Variants in GGACT observed in about 807,000 individuals in gnomAD.
The protein encoded by GGACT is gamma-glutamylamine cyclotransferase, also known as gamma-glutamylaminecyclotransferase.
For synonymous variants in GGACT, 118 were observed against 115.3 expected (o/e 1.02, Z -0.15); for missense variants, 241 against 233.2 (o/e 1.03, Z -0.22).
At chr13:100,562,890 C>A (rs1023591195) in intron 2 of GGACT, among the ~76,000 whole-genome samples, 2 of 152,036 alleles carry the variant, frequency 1.3e-5, no homozygotes. Context: ...CTCCTAACAA[C>A]CCCAAAAAAA....
intron 2 of GGACT, among the ~76,000 whole-genome samples, chr13:100,570,961 T>C (rs1875064954): frequency 6.6e-6 from 1 of 151,888 alleles, no homozygotes; most frequent in Admixed American, 6.6e-5. Flanking sequence ...CCCGAGAGAT[T>C]GCTCAGTCTC....
chr13:100,539,695 G>C (rs758297768), intron 2 of GGACT: 4 of 591,794 alleles, frequency 6.8e-6, no homozygotes, highest in African/African-American at 1.9e-5. Context: ...CTTAGTATCA[G>C]GGTGATGCTC....
intron 2 of GGACT, chr13:100,539,937 C>G: frequency 1.9e-6 from 3 of 1,540,568 alleles, no homozygotes; most frequent in African/African-American, 2.7e-5. Flanking sequence ...GGGCAGCACC[C>G]GCAGGTCTAA....
chr13:100,587,730 T>TA (rs1172679164), intron 1 of GGACT, among the ~76,000 whole-genome samples: 1 of 152,188 alleles, frequency 6.6e-6, no homozygotes, highest in Non-Finnish European at 1.5e-5. Context: ...AACTTGCTTT[T>TA]AAAAAAGGCC....
intron 2 of GGACT, among the ~76,000 whole-genome samples, chr13:100,568,066 C>T (rs577562679): frequency 1.9e-3 from 284 of 152,314 alleles, no homozygotes; most frequent in Non-Finnish European, 3.0e-3. Flanking sequence ...GGAAGCCCCA[C>T]ACATTTCTGC....
intron 2 of GGACT, chr13:100,536,170 G>A (rs1030991239): frequency 7.2e-5 from 11 of 152,136 alleles, no homozygotes; most frequent in African/African-American, 2.4e-4. Flanking sequence ...TGTGTGACTC[G>A]AGCTCTTCCC....
chr13:100,553,464 C>CG (rs2088684210), intron 2 of GGACT, among the ~76,000 whole-genome samples: 1 of 152,146 alleles, frequency 6.6e-6, no homozygotes, highest in African/African-American at 2.4e-5. Context: ...TGAATAGGGG[C>CG]AGCAACACGA....
intron 2 of GGACT, chr13:100,539,678 C>G (rs1370713666): frequency 1.8e-6 from 1 of 561,090 alleles, no homozygotes; most frequent in Non-Finnish European, 3.1e-6. Context: ...CTTGGAGTGT[C>G]TTTGGCCTTA....
chr13:100,530,260 C>A lies in GGACT; in HGVS notation c.*1870G>T. On this transcript the variant is annotated 3_prime_UTR_variant, in exon 3 of 3. Transcript: ENST00000683975. ...GATTCAAGCATTATACAGGAACACC[C>A]CTGTGCAGCTACGTTTACGTCGTCA... The A allele has an allele frequency of 2.0e-6, 2 of 992,016 alleles. No individual in the cohort carries two copies. Among genetic ancestry groups the A allele is most frequent in the Non-Finnish European group, 3.2e-6 (2 of 622,880 alleles). The allele number at this position is 992,016 out of a possible 1,614,324, so 61.5% of individuals were successfully genotyped here.
chr13:100,535,627 C>G (rs138847732), intron 2 of GGACT: 14 of 152,364 alleles, frequency 9.2e-5, no homozygotes, highest in African/African-American at 3.4e-4. Context: ...CTACCACATC[C>G]CGCCATCCTC....
intron 2 of GGACT, chr13:100,537,972 G>A (rs2088513425): frequency 6.6e-6 from 1 of 152,226 alleles, no homozygotes; most frequent in African/African-American, 2.4e-5. Flanking sequence ...GGAGGATAGT[G>A]TTTCTGAAGA....
Position 100,530,278 on chromosome 13 carries a change from C to A in GGACT, c.*1852G>T. ...GAACACCCCTGTGCAGCTACGTTTACGTCGTCATTTATTCCACAGAGTCAA... is the reference window on the plus strand; with the variant it reads ...GAACACCCCTGTGCAGCTACGTTTAAGTCGTCATTTATTCCACAGAGTCAA... On this transcript the variant is annotated 3_prime_UTR_variant, in exon 3 of 3. Coordinates refer to ENST00000683975, the MANE Select transcript of GGACT (RefSeq NM_001195087.2). 1 of 871,856 alleles carries A rather than the reference C, an allele frequency of 1.1e-6. No individual in the cohort carries two copies. The highest frequency in any genetic ancestry group is 2.0e-5 in the Admixed American group (1 of 51,048). 54.0% of individuals were successfully genotyped at this position (871,856 alleles called of 1,614,324 possible).
At position 100,543,197 on chromosome 13, in the gene GGACT, C is replaced by CTTTTTTTTT. The variant is rs147710327; in HGVS notation, c.-10-10605_-10-10597dup. On this transcript the variant is annotated intron_variant, in intron 2 of 2. Transcript: ENST00000683975. ...CAAAAGGATTTTAAAAAGACACCAG[C>CTTTTTTTTT]TTTTTTTTTTTTTTTTTTTTTTTTT... is the stretch of plus-strand genomic sequence containing the variant. 4.0e-3 allele frequency among the ~76,000 whole-genome samples: 280 copies of CTTTTTTTTT among 69,904 alleles called. 54 individuals carry two copies. The highest frequency in any genetic ancestry group is 8.2e-3 in the African/African-American group (133 of 16,184). The allele number at this position is 69,904 out of a possible 152,430, so 45.9% of individuals were successfully genotyped here.
chr13:100,553,641 C>T (rs909890743), intron 2 of GGACT, among the ~76,000 whole-genome samples: 7 of 151,976 alleles, frequency 4.6e-5, no homozygotes, highest in African/African-American at 7.3e-5. Flanking sequence ...GTCAGGAGTT[C>T]GGGACCAGCC....
At chr13:100,548,488 G>T (rs2088628735) in intron 2 of GGACT, among the ~76,000 whole-genome samples, 1 of 152,208 alleles carries the variant, frequency 6.6e-6, no homozygotes, top group African/African-American at 2.4e-5. Context: ...GAATATGTAA[G>T]AATAGGAAGT....
intron 2 of GGACT, among the ~76,000 whole-genome samples, chr13:100,575,611 A>C (rs932031625): frequency 3.3e-5 from 5 of 152,122 alleles, no homozygotes; most frequent in African/African-American, 1.2e-4. Flanking sequence ...CAAAAAATTT[A>C]AGTTAGCAGG....
At position 100,541,281 on chromosome 13, in the gene GGACT, C is replaced by CAGGGCAAGTATCAAACA. The variant is rs1229810667; in HGVS notation, c.-10-8697_-10-8681dup. Among the ~76,000 whole-genome samples the CAGGGCAAGTATCAAACA allele has an allele frequency of 2.0e-5, 3 of 151,990 alleles. No homozygotes were observed. The East Asian group carries it at 5.8e-4, about 29-fold the overall frequency. ...TAGATGGGCATTTAGGGACAGAGTG[C>CAGGGCAAGTATCAAACA]AGGGCAAGTATCAAACAATCCACTG... is the stretch of plus-strand genomic sequence containing the variant. On this transcript the variant is annotated intron_variant, in intron 2 of 2. Coordinates refer to ENST00000683975, the MANE Select transcript of GGACT (RefSeq NM_001195087.2).
intron 2 of GGACT, among the ~76,000 whole-genome samples, chr13:100,564,634 C>T (rs918248733): frequency 1.3e-5 from 2 of 152,198 alleles, no homozygotes; most frequent in African/African-American, 2.4e-5. Context: ...GCCTAAATAA[C>T]GCTGAGTACA....
chr13:100,587,095 C>G (rs1478524841), intron 1 of GGACT: 1 of 152,186 alleles, frequency 6.6e-6, no homozygotes, highest in African/African-American at 2.4e-5. Context: ...GGGTCCTGTC[C>G]CCTCTTCAAG....
Sources: gnomAD v4.1 joint callset for allele counts (sites outside exome capture counted in the v4.1 genomes callset) on GRCh38, gnomAD v4.1.1 for gene constraint, MANE v1.5 for transcripts, NCBI Gene and HGNC (gene_info 2026-07-23, HGNC 2026-07-21) for gene names.